SPIDR: variants seen among roughly 807,000 people sequenced by gnomAD.
SPIDR encodes DNA repair-scaffolding protein.
In SPIDR, 93 loss-of-function variants were observed where a neutral mutation model predicts 104.6. That is an observed-to-expected ratio of 0.89 (90% confidence interval 0.75 to 1.06). The LOEUF (loss-of-function observed/expected upper bound fraction) is 1.06. SPIDR is among the 50% of genes least tolerant of loss of function. The probability of loss-of-function intolerance (pLI) is 0.00; values close to 1 mark genes in which losing one functional copy is unlikely to be tolerated. For synonymous variants in SPIDR, 431 were observed against 416.9 expected (o/e 1.03, Z -0.41); for missense variants, 1,154 against 1,111.2 (o/e 1.04, Z -0.55).
intron 8 of SPIDR, among the ~76,000 whole-genome samples, chr8:47,514,054 G>A (rs905293788): frequency 2.0e-5 from 3 of 152,110 alleles, no homozygotes; most frequent in Non-Finnish European, 4.4e-5. Context: ...AAAGGTCCAT[G>A]GCATTGCACC....
At chr8:47,500,424 G>A (rs2080204147) in intron 8 of SPIDR, among the ~76,000 whole-genome samples, 1 of 152,066 alleles carries the variant, frequency 6.6e-6, no homozygotes, top group Non-Finnish European at 1.5e-5. Flanking sequence ...TGTGTCTTTT[G>A]GCTGCATAAA....
At chr8:47,587,131 C>A (rs1278929799) in intron 8 of SPIDR, among the ~76,000 whole-genome samples, 1 of 152,146 alleles carries the variant, frequency 6.6e-6, no homozygotes, top group Admixed American at 6.5e-5. Context: ...TTCCCTAGTC[C>A]TAGATCCTAA....
chr8:47,371,324 A>G (rs1236508076), intron 5 of SPIDR, among the ~76,000 whole-genome samples: 1 of 152,150 alleles, frequency 6.6e-6, no homozygotes, highest in Non-Finnish European at 1.5e-5. Context: ...ACCTGGGCTC[A>G]GACAGCCAGG....
intron 8 of SPIDR, among the ~76,000 whole-genome samples, chr8:47,458,779 A>C (rs1357159758): frequency 6.6e-6 from 1 of 152,084 alleles, no homozygotes; most frequent in Non-Finnish European, 1.5e-5. Flanking sequence ...TGGGTTTATT[A>C]CATTGAGGTA....
intron 8 of SPIDR, among the ~76,000 whole-genome samples, chr8:47,557,147 C>T (rs2091421977): frequency 6.6e-6 from 1 of 152,062 alleles, no homozygotes; most frequent in Non-Finnish European, 1.5e-5. Flanking sequence ...GACTTCGGCT[C>T]CTCATAGCCA....
chr8:47,493,853 G>C (rs2079073466), intron 8 of SPIDR, among the ~76,000 whole-genome samples: 1 of 152,130 alleles, frequency 6.6e-6, no homozygotes, highest in South Asian at 2.1e-4. Context: ...TATCTAGAAT[G>C]AATAAACGCT....
At chr8:47,271,128 T>TATA (rs1457432236) in intron 1 of SPIDR, among the ~76,000 whole-genome samples, 1 of 152,196 alleles carries the variant, frequency 6.6e-6, no homozygotes, top group Non-Finnish European at 1.5e-5. Flanking sequence ...GTACATGACG[T>TATA]ATATTTTCTT....
chr8:47,641,349 C>G (rs1487326616), intron 10 of SPIDR, among the ~76,000 whole-genome samples: 2 of 151,962 alleles, frequency 1.3e-5, no homozygotes, highest in Non-Finnish European at 2.9e-5. Flanking sequence ...TGACTTTTCT[C>G]TGTACTACTT....
At chr8:47,540,314 GCTAA>G (rs2087846919) in intron 8 of SPIDR, among the ~76,000 whole-genome samples, 1 of 151,962 alleles carries the variant, frequency 6.6e-6, no homozygotes, top group Admixed American at 6.6e-5. Context: ...AAAAGAATTT[GCTAA>G]CTTTTTATAT....
intron 8 of SPIDR, among the ~76,000 whole-genome samples, chr8:47,495,484 C>T (rs1175550873): frequency 6.6e-6 from 1 of 152,008 alleles, no homozygotes; most frequent in African/African-American, 2.4e-5. Flanking sequence ...GTTGTACAAC[C>T]ATGAGAATGT....
chr8:47,333,720 G>T (rs533856098), intron 5 of SPIDR, among the ~76,000 whole-genome samples: 2 of 152,192 alleles, frequency 1.3e-5, no homozygotes, highest in African/African-American at 4.8e-5. Context: ...ACAGCTGGCA[G>T]CATACAGTAA....
At chr8:47,625,886 A>G (rs1322119501) in intron 10 of SPIDR, among the ~76,000 whole-genome samples, 1 of 152,208 alleles carries the variant, frequency 6.6e-6, no homozygotes, top group African/African-American at 2.4e-5. Context: ...GGAAAAAACT[A>G]CTTGAAAGTT....
chr8:47,475,519 G>A (rs10109113), intron 8 of SPIDR, among the ~76,000 whole-genome samples: 103,736 of 152,160 alleles, frequency 0.68, 35,700 homozygotes, highest in East Asian at 0.81. Flanking sequence ...AACTTAAAGA[G>A]TAATTTCTAT....
chr8:47,621,071 C>T (rs1345590816), intron 10 of SPIDR, among the ~76,000 whole-genome samples: 1 of 151,934 alleles, frequency 6.6e-6, no homozygotes, highest in Non-Finnish European at 1.5e-5. Flanking sequence ...AGTCCCCAGC[C>T]TCAGCCTCCC....
chr8:47,263,282 T>A (rs1378366624), intron 1 of SPIDR, among the ~76,000 whole-genome samples: 11 of 152,244 alleles, frequency 7.2e-5, no homozygotes, highest in Admixed American at 4.6e-4. Flanking sequence ...TTATTTATCT[T>A]ATAGGTAAAC....
intron 5 of SPIDR, among the ~76,000 whole-genome samples, chr8:47,387,627 CAGG>C (rs1460796021): frequency 3.3e-5 from 5 of 152,164 alleles, no homozygotes; most frequent in Admixed American, 1.3e-4. Flanking sequence ...AGGAACATAT[CAGG>C]AGTTTGATTT....
intron 8 of SPIDR, among the ~76,000 whole-genome samples, chr8:47,572,353 T>C (rs1448435214): frequency 6.6e-6 from 1 of 151,938 alleles, no homozygotes; most frequent in Non-Finnish European, 1.5e-5. Flanking sequence ...AATAAACTGG[T>C]CAAAAAAAGG....
chr8:47,266,563 T>A (rs914187385), intron 1 of SPIDR, among the ~76,000 whole-genome samples: 2 of 152,250 alleles, frequency 1.3e-5, no homozygotes, highest in African/African-American at 4.8e-5. Flanking sequence ...ATAAAACTGC[T>A]ATAAACATTT....
intron 8 of SPIDR, among the ~76,000 whole-genome samples, chr8:47,499,560 AC>A (rs1027208516): frequency 1.6e-4 from 23 of 141,440 alleles, no homozygotes; most frequent in African/African-American, 6.0e-4. Flanking sequence ...TTTTTTTTTT[AC>A]CCTTGATTTT....
Sources: gnomAD v4.1 joint callset for allele counts (sites outside exome capture counted in the v4.1 genomes callset) on GRCh38, gnomAD v4.1.1 for gene constraint, MANE v1.5 for transcripts, NCBI Gene and HGNC (gene_info 2026-07-23, HGNC 2026-07-21) for gene names.